ERC1: variants seen among roughly 807,000 people sequenced by gnomAD.
ERC1 encodes ELKS/RAB6-interacting/CAST family member 1, also known as RAB6 interacting protein 2.
A neutral mutation model predicts 132.0 loss-of-function variants in ERC1; 56 were observed. The observed-to-expected ratio is 0.42, with a 90% CI of 0.34 to 0.53. ERC1 has a LOEUF of 0.53. Ranked by LOEUF, ERC1 falls within the 20% of genes least tolerant of loss-of-function variation. The probability of loss-of-function intolerance (pLI) is 0.03; values close to 1 mark genes in which losing one functional copy is unlikely to be tolerated. For missense variants in ERC1, 1,202 were observed against 1,349.9 expected, an observed-to-expected ratio of 0.89 and a Z score of 1.72; for synonymous variants, 478 against 476.1, an observed-to-expected ratio of 1.00 and a Z score of -0.05.
chr12:1,269,401 C>T (rs1200480174), intron 14 of ERC1, among the ~76,000 whole-genome samples: 1 of 152,132 alleles, frequency 6.6e-6, no homozygotes, highest in African/African-American at 2.4e-5. Context: ...AAGCAGCAAT[C>T]ATAATGGTAA....
At chr12:1,043,994 C>A (rs189212099) in intron 2 of ERC1, among the ~76,000 whole-genome samples, 1 of 151,404 alleles carries the variant, frequency 6.6e-6, no homozygotes, top group East Asian at 1.9e-4. Flanking sequence ...TTTTTTGAAA[C>A]CGTATGTGGG....
chr12:1,386,409 A>AC (rs2089350048), intron 16 of ERC1, among the ~76,000 whole-genome samples: 1 of 150,550 alleles, frequency 6.6e-6, no homozygotes, highest in African/African-American at 2.4e-5. Context: ...GCACTTTGGG[A>AC]CGCCAAGGCA....
intron 8 of ERC1, among the ~76,000 whole-genome samples, chr12:1,161,422 C>T (rs1593839079): frequency 6.6e-6 from 1 of 152,232 alleles, no homozygotes; most frequent in East Asian, 1.9e-4. Flanking sequence ...TTTAAACATT[C>T]GTAATATACG....
At chr12:1,302,680 T>C (rs1172785068) in intron 15 of ERC1, among the ~76,000 whole-genome samples, 1 of 152,138 alleles carries the variant, frequency 6.6e-6, no homozygotes, top group African/African-American at 2.4e-5. Context: ...ATAAAAGTTA[T>C]ATGTAAGCAG....
At chr12:1,422,703 G>A (rs1392891967) in intron 17 of ERC1, among the ~76,000 whole-genome samples, 1 of 151,986 alleles carries the variant, frequency 6.6e-6, no homozygotes, top group Admixed American at 6.6e-5. Context: ...CTTTCCTTTG[G>A]ATATATACCT....
chr12:1,395,820 AAGT>A (rs1170760431), intron 16 of ERC1, among the ~76,000 whole-genome samples: 1 of 152,196 alleles, frequency 6.6e-6, no homozygotes, highest in Non-Finnish European at 1.5e-5. Flanking sequence ...AGGGGGAAAA[AAGT>A]AGTTTTCATG....
chr12:1,198,337 C>T (rs1416217417), intron 12 of ERC1, among the ~76,000 whole-genome samples: 1 of 152,112 alleles, frequency 6.6e-6, no homozygotes, highest in East Asian at 1.9e-4. Flanking sequence ...ATTTTGGATC[C>T]TAAACTATTA....
At chr12:1,481,608 G>C (rs2094093595) in intron 18 of ERC1, among the ~76,000 whole-genome samples, 2 of 152,164 alleles carry the variant, frequency 1.3e-5, no homozygotes, top group Non-Finnish European at 2.9e-5. Flanking sequence ...CTAATCCCTG[G>C]AGAACAGAGA....
chr12:1,247,075 G>A (rs1457182413), intron 13 of ERC1, among the ~76,000 whole-genome samples: 1 of 143,998 alleles, frequency 6.9e-6, no homozygotes, highest in African/African-American at 2.8e-5. Flanking sequence ...GTTGCAGTGA[G>A]CCCAGGAGTT....
At chr12:1,294,077 T>G (rs1427233707) in intron 15 of ERC1, among the ~76,000 whole-genome samples, 1 of 152,238 alleles carries the variant, frequency 6.6e-6, no homozygotes, top group African/African-American at 2.4e-5. Context: ...AGTTTATATC[T>G]ACAATCAACT....
intron 8 of ERC1, among the ~76,000 whole-genome samples, chr12:1,175,688 C>A (rs1953631196): frequency 6.6e-6 from 1 of 152,056 alleles, no homozygotes; most frequent in African/African-American, 2.4e-5. Context: ...TGCCCACCAC[C>A]ACGCCTGGCT....
At chr12:1,282,799 T>C (rs2078771154) in intron 14 of ERC1, among the ~76,000 whole-genome samples, 1 of 152,208 alleles carries the variant, frequency 6.6e-6, no homozygotes, top group South Asian at 2.1e-4. Flanking sequence ...TTTGTTCTAG[T>C]CAGGGAAACC....
At chr12:1,255,407 C>A (rs1178567255) in intron 13 of ERC1, among the ~76,000 whole-genome samples, 1 of 152,028 alleles carries the variant, frequency 6.6e-6, no homozygotes, top group Non-Finnish European at 1.5e-5. Flanking sequence ...AATAAACATT[C>A]GTGTGCATGT....
intron 15 of ERC1, among the ~76,000 whole-genome samples, chr12:1,353,754 C>T (rs1355826252): frequency 6.6e-6 from 1 of 152,182 alleles, no homozygotes; most frequent in Admixed American, 6.5e-5. Flanking sequence ...GATTTATGAT[C>T]TCTTTCCACT....
At chr12:1,179,745 G>A (rs2154269959) in intron 8 of ERC1, among the ~76,000 whole-genome samples, 1 of 152,180 alleles carries the variant, frequency 6.6e-6, no homozygotes, top group South Asian at 2.1e-4. Context: ...CTGACCTCGT[G>A]ATCTGCCCGC....
intron 18 of ERC1, among the ~76,000 whole-genome samples, chr12:1,478,923 T>C (rs1351002127): frequency 6.6e-6 from 1 of 152,194 alleles, no homozygotes; most frequent in Non-Finnish European, 1.5e-5. Context: ...CTAAAGATGG[T>C]CTCTTACATT....
intron 15 of ERC1, among the ~76,000 whole-genome samples, chr12:1,337,509 C>A (rs1419629170): frequency 6.6e-6 from 1 of 151,808 alleles, no homozygotes; most frequent in African/African-American, 2.4e-5. Flanking sequence ...TTGCTTGGTG[C>A]CTTTTAATAG....
In ERC1 at chr12:1,104,838, T is replaced by C; in HGVS notation, c.1161+14T>C. ...ATTGAGATGAAGGTAAGTGAGAATC[T>C]AGTAAAGAATCTTATGAATTACCTT... On this transcript the variant is annotated intron_variant, in intron 4 of 18. Transcript: ENST00000360905. 1.3e-6 allele frequency: 2 copies of C among 1,576,562 alleles called. No individual in the cohort carries two copies. The highest frequency in any genetic ancestry group is 2.2e-5 in the South Asian group (2 of 90,258).
At chr12:1,417,963 A>G (rs1434986770) in intron 17 of ERC1, among the ~76,000 whole-genome samples, 1 of 152,174 alleles carries the variant, frequency 6.6e-6, no homozygotes, top group Non-Finnish European at 1.5e-5. Context: ...CAATATAACA[A>G]TCCTAAGAGA....
Sources: gnomAD v4.1 joint callset for allele counts (sites outside exome capture counted in the v4.1 genomes callset) on GRCh38, gnomAD v4.1.1 for gene constraint, MANE v1.5 for transcripts, NCBI Gene and HGNC (gene_info 2026-07-23, HGNC 2026-07-21) for gene names.